Variants in CDH18 observed in about 807,000 individuals in gnomAD.
CDH18 encodes the protein cadherin-18.
CDH18 carries 31 observed loss-of-function variants against 67.9 expected under a neutral mutation model. That is an observed-to-expected ratio of 0.46 (90% CI 0.34 to 0.62). The LOEUF is 0.62. CDH18 is among the 20% of genes least tolerant of loss of function. The probability of loss-of-function intolerance (pLI) is 0.01; values close to 1 mark genes in which losing one functional copy is unlikely to be tolerated. For missense variants in CDH18, 890 were observed against 975.5 expected (o/e 0.91, Z 1.17); for synonymous variants, 362 against 347.2 (o/e 1.04, Z -0.48).
chr5:20,291,009 G>GGGA (rs1465800017), intron 1 of CDH18, among the ~76,000 whole-genome samples: 3 of 152,054 alleles, frequency 2.0e-5, no homozygotes, highest in African/African-American at 7.2e-5. Context: ...AAATGGACAA[G>GGGA]GGAAAAATGT....
intron 2 of CDH18, among the ~76,000 whole-genome samples, chr5:20,045,960 G>T (rs1441321886): frequency 1.3e-5 from 2 of 152,038 alleles, no homozygotes; most frequent in African/African-American, 4.8e-5. Flanking sequence ...ATGGTAGTTT[G>T]TTATAGCACC....
chr5:20,376,915 G>T (rs1386604649), intron 1 of CDH18, among the ~76,000 whole-genome samples: 1 of 152,048 alleles, frequency 6.6e-6, no homozygotes, highest in Non-Finnish European at 1.5e-5. Flanking sequence ...TACTCAGGGG[G>T]CTGAGGCAGG....
At chr5:19,699,110 A>G (rs909249781) in intron 5 of CDH18, among the ~76,000 whole-genome samples, 1 of 152,134 alleles carries the variant, frequency 6.6e-6, no homozygotes, top group African/African-American at 2.4e-5. Context: ...TAAAATACTT[A>G]AGTAATCAGA....
intron 2 of CDH18, among the ~76,000 whole-genome samples, chr5:20,243,755 A>G (rs1340596086): frequency 2.0e-5 from 3 of 152,162 alleles, no homozygotes; most frequent in Admixed American, 2.0e-4. Context: ...AAAAAAATAC[A>G]TTACAATAAA....
At chr5:20,124,441 T>C (rs1038432907) in intron 2 of CDH18, among the ~76,000 whole-genome samples, 5 of 152,192 alleles carry the variant, frequency 3.3e-5, no homozygotes, top group Non-Finnish European at 7.3e-5. Context: ...AGCTGTGCAA[T>C]CACCTTGAGT....
rs563467419 is a variant in CDH18 at position 19,665,759 on chromosome 5, C to T, written c.644-53158G>A. Among the ~76,000 whole-genome samples, 13 of 151,978 alleles carry T rather than the reference C, an allele frequency of 8.6e-5. No homozygotes were observed. The South Asian group carries it at 1.2e-3, about 15-fold the overall frequency. On this transcript the variant is annotated intron_variant, in intron 5 of 12. Coordinates refer to ENST00000382275, the MANE Select transcript of CDH18 (RefSeq NM_004934.5). ...AGAGAAGTGTGAGGAAGTTGACCTA[C>T]GAGAGAAGTGTGTTGTTACAATGGG...
At chr5:20,496,287 T>C (rs1442920734) in intron 1 of CDH18, among the ~76,000 whole-genome samples, 2 of 152,146 alleles carry the variant, frequency 1.3e-5, no homozygotes, top group African/African-American at 2.4e-5. Flanking sequence ...TACAGCTCAA[T>C]ACTGTGATGT....
intron 2 of CDH18, among the ~76,000 whole-genome samples, chr5:20,013,435 G>C (rs1173295067): frequency 6.6e-6 from 1 of 151,878 alleles, no homozygotes; most frequent in Admixed American, 6.6e-5. Flanking sequence ...TCAAAAATAG[G>C]GCTTGACTTA....
intron 2 of CDH18, among the ~76,000 whole-genome samples, chr5:19,955,648 C>G (rs934586954): frequency 5.3e-5 from 8 of 152,082 alleles, no homozygotes; most frequent in African/African-American, 1.7e-4. Flanking sequence ...ATAGCACATA[C>G]TGGACATTCC....
At chr5:20,065,047 CT>C (rs1043234897) in intron 2 of CDH18, among the ~76,000 whole-genome samples, 6 of 152,158 alleles carry the variant, frequency 3.9e-5, no homozygotes, top group Middle Eastern at 3.4e-3. Flanking sequence ...CCAGCTACCC[CT>C]ACGATGCTTT....
intron 5 of CDH18, among the ~76,000 whole-genome samples, chr5:19,616,703 T>C (rs1300230967): frequency 2.0e-5 from 3 of 152,192 alleles, no homozygotes; most frequent in Non-Finnish European, 4.4e-5. Context: ...GACTATTGCG[T>C]TAATCTCTTC....
At chr5:19,647,037 A>T (rs765653193) in intron 5 of CDH18, among the ~76,000 whole-genome samples, 1 of 152,164 alleles carries the variant, frequency 6.6e-6, no homozygotes, top group Non-Finnish European at 1.5e-5. Flanking sequence ...TTGCAAAGTT[A>T]ATCATAGATT....
Position 19,969,682 on chromosome 5 carries a change from TG to T in CDH18, c.-257+11377del, listed in dbSNP as rs1797831720. On this transcript the variant is annotated intron_variant, in intron 2 of 12. Transcript: ENST00000382275. ...ACACAGGAAGGGGAACATCACACTC[TG>T]GGGACTGTTGTGTGGTGGGGGGAGC... is the stretch of plus-strand genomic sequence containing the variant. Among the ~76,000 whole-genome samples, 4 of 129,794 alleles carry T rather than the reference TG, an allele frequency of 3.1e-5. No individual in the cohort carries two copies. In the South Asian group the frequency reaches 8.0e-4, roughly 26 times the overall value. 85.1% of individuals were successfully genotyped at this position (129,794 alleles called of 152,430 possible).
chr5:20,478,866 CT>C (rs141359435), intron 1 of CDH18, among the ~76,000 whole-genome samples: 2,655 of 152,290 alleles, frequency 0.017, 41 homozygotes, highest in African/African-American at 0.041. Context: ...CACAGAAGTG[CT>C]GGTGTCACCA....
intron 1 of CDH18, among the ~76,000 whole-genome samples, chr5:20,545,842 T>A (rs1757311879): frequency 6.6e-6 from 1 of 152,184 alleles, no homozygotes; most frequent in Non-Finnish European, 1.5e-5. Context: ...CCACAGAAAA[T>A]GGGTTTTTCC....
intron 3 of CDH18, among the ~76,000 whole-genome samples, chr5:19,818,661 C>T (rs1267644898): frequency 1.3e-5 from 2 of 152,138 alleles, no homozygotes; most frequent in Non-Finnish European, 2.9e-5. Context: ...CTATATGGTG[C>T]AGCCTATTGC....
chr5:20,171,728 C>A lies in CDH18; in HGVS notation c.-518+83716G>T, dbSNP rs145352039. On this transcript the variant is annotated intron_variant, in intron 2 of 14. Transcript: ENST00000507958. ...AAAAGCTCTTAAGTTTAATTGGATGCCATTTGTCAATTTTTCCTTTTTTTG... is the reference window on the plus strand; with the variant it reads ...AAAAGCTCTTAAGTTTAATTGGATGACATTTGTCAATTTTTCCTTTTTTTG... 5.2e-3 allele frequency among the ~76,000 whole-genome samples: 793 copies of A among 151,958 alleles called. 9 individuals are homozygous for A. The highest frequency in any genetic ancestry group is 0.018 in the African/African-American group (754 of 41,474).
intron 2 of CDH18, among the ~76,000 whole-genome samples, chr5:20,142,389 G>A (rs1168750567): frequency 6.6e-6 from 1 of 151,818 alleles, no homozygotes; most frequent in African/African-American, 2.4e-5. Flanking sequence ...AGACCCACCT[G>A]GCCAACATGA....
chr5:19,983,334 A>G (rs1799250002), intron 1 of CDH18, among the ~76,000 whole-genome samples: 1 of 152,116 alleles, frequency 6.6e-6, no homozygotes, highest in African/African-American at 2.4e-5. Context: ...GGCAATAAAT[A>G]CCTATTTGAG....
Sources: allele counts gnomAD v4.1 joint callset (sites outside exome capture counted in the v4.1 genomes callset), GRCh38; gene constraint gnomAD v4.1.1; transcripts MANE v1.5; gene names NCBI Gene and HGNC (gene_info 2026-07-23, HGNC 2026-07-21).